ROBO2: variants seen among roughly 807,000 people sequenced by gnomAD.
ROBO2 encodes the protein roundabout guidance receptor 2.
ROBO2 carries 53 observed loss-of-function variants against 160.8 expected under a neutral mutation model. That is an observed-to-expected ratio of 0.33 (90% CI 0.26 to 0.41). The LOEUF (loss-of-function observed/expected upper bound fraction) is 0.41, where lower values mean the gene tolerates loss of function less well. Among genes scored for constraint, ROBO2 ranks in the 10% least tolerant of loss-of-function variants. ROBO2 has a pLI of 1.00. For missense variants in ROBO2, 1,577 were observed against 1,722.4 expected, an observed-to-expected ratio of 0.92 and a Z score of 1.49; for synonymous variants, 664 against 611.7, an observed-to-expected ratio of 1.09 and a Z score of -1.26.
intron 5 of ROBO2, among the ~76,000 whole-genome samples, chr3:77,500,430 A>G (rs2087425391): frequency 6.6e-6 from 1 of 152,162 alleles, no homozygotes; most frequent in South Asian, 2.1e-4. Context: ...TAATTATATG[A>G]TTATTAATTA....
intron 2 of ROBO2, among the ~76,000 whole-genome samples, chr3:75,979,100 G>C (rs1469167180): frequency 6.6e-6 from 1 of 151,490 alleles, no homozygotes; most frequent in Non-Finnish European, 1.5e-5. Context: ...CAGAGAGGCA[G>C]GACCACTTAA....
chr3:76,263,291 C>T (rs747345138), intron 2 of ROBO2, among the ~76,000 whole-genome samples: 2 of 152,038 alleles, frequency 1.3e-5, no homozygotes, highest in Non-Finnish European at 2.9e-5. Flanking sequence ...GGTGCAGTGG[C>T]ATGATCCTGG....
intron 2 of ROBO2, among the ~76,000 whole-genome samples, chr3:76,051,145 T>A (rs952076913): frequency 4.6e-5 from 7 of 152,196 alleles, no homozygotes; most frequent in Non-Finnish European, 1.0e-4. Context: ...TGAAAAAAAA[T>A]TGACTTATGC....
chr3:76,748,494 C>T (rs1444919807), intron 2 of ROBO2, among the ~76,000 whole-genome samples: 2 of 150,340 alleles, frequency 1.3e-5, no homozygotes, highest in Non-Finnish European at 3.0e-5. Context: ...TATAATATAC[C>T]TGATGTATAA....
chr3:75,940,962 A>G (rs77424005), intron 2 of ROBO2, among the ~76,000 whole-genome samples: 1 of 152,134 alleles, frequency 6.6e-6, no homozygotes, highest in South Asian at 2.1e-4. Flanking sequence ...TCAGCAACCC[A>G]TAGTTCTGGC....
intron 2 of ROBO2, among the ~76,000 whole-genome samples, chr3:76,449,639 A>T (rs1254714364): frequency 6.6e-6 from 1 of 152,274 alleles, no homozygotes; most frequent in African/African-American, 2.4e-5. Flanking sequence ...ATCAAAAATC[A>T]GTTGTTTGTT....
chr3:76,048,250 A>G (rs923195432), intron 2 of ROBO2, among the ~76,000 whole-genome samples: 7 of 152,198 alleles, frequency 4.6e-5, no homozygotes, highest in Non-Finnish European at 8.8e-5. Flanking sequence ...TCCTTTGCAC[A>G]GTGGGGTTTG....
At chr3:76,894,315 G>A (rs544731659) in intron 2 of ROBO2, among the ~76,000 whole-genome samples, 3 of 151,984 alleles carry the variant, frequency 2.0e-5, no homozygotes, top group Non-Finnish European at 4.4e-5. Context: ...AATCATGTTG[G>A]TATTGCTGTA....
intron 2 of ROBO2, among the ~76,000 whole-genome samples, chr3:76,126,645 A>G (rs1467522610): frequency 1.3e-5 from 2 of 152,142 alleles, no homozygotes. Context: ...AACCCAGTTC[A>G]AATGAGAAAT....
intron 2 of ROBO2, among the ~76,000 whole-genome samples, chr3:76,303,021 T>C (rs564142979): frequency 1.3e-5 from 2 of 152,292 alleles, no homozygotes; most frequent in East Asian, 3.9e-4. Context: ...AGAAATATTT[T>C]ATGTAATTGA....
chr3:77,012,550 C>T (rs1231726128), intron 2 of ROBO2, among the ~76,000 whole-genome samples: 2 of 152,052 alleles, frequency 1.3e-5, no homozygotes, highest in African/African-American at 4.8e-5. Context: ...ATATCAGCTA[C>T]ATGGATAGAT....
intron 2 of ROBO2, among the ~76,000 whole-genome samples, chr3:76,589,367 T>G (rs1285905942): frequency 6.6e-6 from 1 of 152,134 alleles, no homozygotes; most frequent in Non-Finnish European, 1.5e-5. Flanking sequence ...TGGCGCCATC[T>G]CGGCTCACTG....
At chr3:77,499,893 C>T (rs1212982860) in intron 5 of ROBO2, among the ~76,000 whole-genome samples, 1 of 152,054 alleles carries the variant, frequency 6.6e-6, no homozygotes. Flanking sequence ...ATGATCCACC[C>T]GCCTCAGCCT....
intron 6 of ROBO2, among the ~76,000 whole-genome samples, chr3:77,538,457 G>A (rs1204221896): frequency 6.6e-6 from 1 of 152,190 alleles, no homozygotes; most frequent in African/African-American, 2.4e-5. Context: ...GATTACAGGC[G>A]TGAGCCACCA....
chr3:76,680,086 G>A (rs1414476351), intron 2 of ROBO2, among the ~76,000 whole-genome samples: 1 of 152,062 alleles, frequency 6.6e-6, no homozygotes, highest in Non-Finnish European at 1.5e-5. Flanking sequence ...AAGATGATTA[G>A]AAATCTTAAA....
intron 2 of ROBO2, among the ~76,000 whole-genome samples, chr3:76,346,549 G>A (rs553604553): frequency 6.6e-6 from 1 of 152,144 alleles, no homozygotes; most frequent in East Asian, 1.9e-4. Flanking sequence ...GTAGTCTACA[G>A]TTGCATAATA....
At chr3:77,283,708 A>G (rs1340676277) in intron 2 of ROBO2, among the ~76,000 whole-genome samples, 2 of 152,136 alleles carry the variant, frequency 1.3e-5, no homozygotes, top group South Asian at 2.1e-4. Flanking sequence ...TGATTATTCA[A>G]TCTTTTGAAT....
At chr3:76,232,312 G>C (rs951094267) in intron 2 of ROBO2, among the ~76,000 whole-genome samples, 2 of 152,170 alleles carry the variant, frequency 1.3e-5, no homozygotes, top group African/African-American at 4.8e-5. Flanking sequence ...AAGATAATTT[G>C]GATGTATCTT....
intron 2 of ROBO2, among the ~76,000 whole-genome samples, chr3:77,393,224 A>C (rs1446729398): frequency 1.3e-5 from 2 of 152,158 alleles, no homozygotes; most frequent in African/African-American, 4.8e-5. Context: ...TGAATAATGT[A>C]TCAATTTCTC....
Sources: allele counts gnomAD v4.1 joint callset (sites outside exome capture counted in the v4.1 genomes callset), GRCh38; gene constraint gnomAD v4.1.1; transcripts MANE v1.5; gene names NCBI Gene and HGNC (gene_info 2026-07-23, HGNC 2026-07-21).